Variants in SHPRH observed in about 807,000 individuals in gnomAD.
The protein encoded by SHPRH is SNF2 histone linker PHD RING helicase.
SHPRH carries 106 observed loss-of-function variants against 202.5 expected under a neutral mutation model. The observed-to-expected ratio is 0.52, with a 90% confidence interval of 0.45 to 0.62. The LOEUF (loss-of-function observed/expected upper bound fraction) is 0.62, where lower values mean the gene tolerates loss of function less well. Among genes scored for constraint, SHPRH ranks in the 20% least tolerant of loss-of-function variants. SHPRH has a pLI of 0.00. For synonymous variants in SHPRH, 729 were observed against 686.0 expected (o/e 1.06, Z -0.98); for missense variants, 1,710 against 2,020.0 (o/e 0.85, Z 2.94).
chr6:145,948,305 C>T lies in SHPRH; in HGVS notation c.1028G>A (p.Gly343Asp), dbSNP rs376399451. The change falls in exon 5 of 30, where the codon GGT (glycine) becomes GAT (aspartate). Residue 343 changes from glycine (G) to aspartate (D), a missense_variant. Coordinates refer to ENST00000275233, the MANE Select transcript of SHPRH (RefSeq NM_001042683.3). The part of the protein sequence containing the change: ...FLWREIVTSE[G>D]LKLYYNPYTG... ...ATATGGATTATAGTAGAGTTTCAGA[C>T]CCTCAGATGTAACAATCTCTCGCCA... 3 of 1,604,582 alleles carry T rather than the reference C, an allele frequency of 1.9e-6. No homozygotes were observed. Among genetic ancestry groups the T allele is most frequent in the Middle Eastern group, 1.7e-4 (1 of 6,008 alleles).
Position 145,894,253 on chromosome 6 carries a change from A to G in SHPRH, c.4609-17T>C. Reference sequence around the variant, plus strand: ...ATCTTGCCACTAGAACACATAAAACAATAAGAAAACCAATATTTACACGTA... The same window carrying G: ...ATCTTGCCACTAGAACACATAAAACGATAAGAAAACCAATATTTACACGTA... On this transcript the variant is annotated splice_polypyrimidine_tract_variant and intron_variant, in intron 26 of 29. Coordinates refer to ENST00000275233, the MANE Select transcript of SHPRH (RefSeq NM_001042683.3). 6.4e-7 allele frequency: 1 copy of G among 1,562,242 alleles called. No individual in the cohort carries two copies. The highest frequency in any genetic ancestry group is 8.7e-7 in the Non-Finnish European group (1 of 1,153,890).
intron 13 of SHPRH, among the ~76,000 whole-genome samples, chr6:145,934,287 T>C (rs7453851): frequency 2.6e-5 from 4 of 151,588 alleles, no homozygotes; most frequent in Admixed American, 6.6e-5. Flanking sequence ...ACCAACATGA[T>C]GAAACCCCGT....
intron 25 of SHPRH, chr6:145,909,499 T>C (rs1309868065): frequency 6.6e-6 from 1 of 152,124 alleles, no homozygotes; most frequent in East Asian, 1.9e-4. Context: ...AATTAAAAGT[T>C]CTTTAATGCA....
chr6:145,902,299 TC>T (rs576214391), intron 25 of SHPRH, among the ~76,000 whole-genome samples: 14 of 152,114 alleles, frequency 9.2e-5, no homozygotes, highest in Non-Finnish European at 1.9e-4. Flanking sequence ...ATCAGAAATG[TC>T]ATGTGGCTTA....
At chr6:145,923,837 T>G in intron 17 of SHPRH, 52 bp from the exon 18 acceptor site, 1 of 1,569,908 alleles carries the variant, frequency 6.4e-7, no homozygotes, top group Non-Finnish European at 8.7e-7. Context: ...TAGTACTCAC[T>G]AAGCTTCCAT....
chr6:145,889,234 CAAAG>C (rs776395042), intron 28 of SHPRH, among the ~76,000 whole-genome samples: 8 of 151,972 alleles, frequency 5.3e-5, no homozygotes, highest in East Asian at 1.9e-4. Context: ...GGGGTGTAGA[CAAAG>C]AACCCTCAGA....
At chr6:145,925,341 T>TACACACACACACACACAC (rs10631165) in intron 16 of SHPRH, among the ~76,000 whole-genome samples, 8 of 145,276 alleles carry the variant, frequency 5.5e-5, no homozygotes, top group South Asian at 2.2e-4. Context: ...ATGTTCTCAC[T>TACACACACACACACACAC]ACACACACAC....
intron 29 of SHPRH, 76 bp downstream of exon 29, chr6:145,887,944 A>G: frequency 8.7e-7 from 1 of 1,145,786 alleles, no homozygotes. Flanking sequence ...TTGTCATCTA[A>G]GTGAAGAAGT....
At chr6:145,875,825 C>T (rs921461674) in intron 2 of SHPRH, among the ~76,000 whole-genome samples, 2 of 152,134 alleles carry the variant, frequency 1.3e-5, no homozygotes, top group Non-Finnish European at 2.9e-5. Context: ...CTGTGGCTGC[C>T]AGATATCAGT....
downstream of SHPRH, among the ~76,000 whole-genome samples, chr6:145,859,734 G>A (rs1317742216): frequency 6.6e-6 from 1 of 152,002 alleles, no homozygotes; most frequent in Non-Finnish European, 1.5e-5. Context: ...AAGTTGTGAA[G>A]CTGTTGTAAC....
chr6:145,897,640 T>C (rs1246207719), intron 25 of SHPRH, among the ~76,000 whole-genome samples: 1 of 151,950 alleles, frequency 6.6e-6, no homozygotes, highest in Non-Finnish European at 1.5e-5. Flanking sequence ...AACAAAATAC[T>C]AGGAAGCCAA....
At chr6:145,938,937 T>C (rs1786424524) in intron 11 of SHPRH, among the ~76,000 whole-genome samples, 1 of 152,196 alleles carries the variant, frequency 6.6e-6, no homozygotes, top group Non-Finnish European at 1.5e-5. Context: ...TCTGAAGACA[T>C]TTCTGGGTGT....
At chr6:145,899,951 G>C (rs1782350811) in intron 25 of SHPRH, among the ~76,000 whole-genome samples, 1 of 152,086 alleles carries the variant, frequency 6.6e-6, no homozygotes, top group African/African-American at 2.4e-5. Context: ...ACCACACTGA[G>C]ATACACCACC....
chr6:145,923,025 G>A (rs569721232), intron 18 of SHPRH, among the ~76,000 whole-genome samples, 189 bp from the exon 19 acceptor site: 11 of 149,882 alleles, frequency 7.3e-5, no homozygotes, highest in South Asian at 6.3e-4. Flanking sequence ...GCTGTCTACC[G>A]TAAAAGATAC....
rs138097468 is a variant in SHPRH at position 145,924,096 on chromosome 6, A to G, written c.3403-311T>C. Among the ~76,000 whole-genome samples the G allele has an allele frequency of 1.8e-3, 275 of 152,116 alleles. 2 individuals carry two copies. The highest frequency in any genetic ancestry group is 6.4e-3 in the African/African-American group (265 of 41,558). Reference sequence around the variant, plus strand: ...CAAATGAAAATTCAATACTCAATCTATATGTGTGAAAAGGTCACAGGTCTC... The same window carrying G: ...CAAATGAAAATTCAATACTCAATCTGTATGTGTGAAAAGGTCACAGGTCTC... On this transcript the variant is annotated intron_variant, in intron 17 of 29. Transcript: ENST00000275233.
chr6:145,879,708 C>G (rs559508700), intron 2 of SHPRH, among the ~76,000 whole-genome samples: 1 of 151,972 alleles, frequency 6.6e-6, no homozygotes, highest in East Asian at 1.9e-4. Flanking sequence ...GTCAGGAGTT[C>G]GAGACCAGCC....
chr6:145,921,683 C>A (rs559184860), intron 20 of SHPRH, among the ~76,000 whole-genome samples: 75 of 151,834 alleles, frequency 4.9e-4, no homozygotes, highest in African/African-American at 1.7e-3. Context: ...AGGAAAATTT[C>A]TATTTTAGAG....
chr6:145,940,552 C>T (rs1189494879), intron 11 of SHPRH, among the ~76,000 whole-genome samples, 171 bp downstream of exon 11: 1 of 151,984 alleles, frequency 6.6e-6, no homozygotes, highest in Non-Finnish European at 1.5e-5. Context: ...AGAAAAATCA[C>T]CTGAGTCCCA....
intron 1 of SHPRH, among the ~76,000 whole-genome samples, chr6:145,956,708 C>A (rs1788546951): frequency 6.6e-6 from 1 of 152,016 alleles, no homozygotes; most frequent in African/African-American, 2.4e-5. Context: ...TACTTTCATT[C>A]TGAAAATTTT....
Sources: gnomAD v4.1 joint callset for allele counts (sites outside exome capture counted in the v4.1 genomes callset) on GRCh38, gnomAD v4.1.1 for gene constraint, MANE v1.5 for transcripts, NCBI Gene and HGNC (gene_info 2026-07-23, HGNC 2026-07-21) for gene names.